ARMCX4: variants seen among roughly 807,000 people sequenced by gnomAD.
ARMCX4 encodes the protein armadillo repeat containing X-linked 4, also known as armadillo repeat-containing X-linked protein 4.
ARMCX4 carries 3 observed loss-of-function variants against 34.7 expected under a neutral mutation model. The observed-to-expected ratio is 0.09, with a 90% confidence interval of 0.04 to 0.22. The LOEUF is 0.22. Ranked by LOEUF, ARMCX4 falls within the 10% of genes least tolerant of loss-of-function variation. The pLI is 1.00. For missense variants in ARMCX4, 1,448 were observed against 1,720.8 expected, an observed-to-expected ratio of 0.84 and a Z score of 2.81; for synonymous variants, 513 against 632.8, an observed-to-expected ratio of 0.81 and a Z score of 2.84.
intron 4 of ARMCX4, among the ~76,000 whole-genome samples, chrX:101,469,324 A>G (rs144772435): frequency 6.2e-5 from 7 of 112,441 alleles, no homozygotes; most frequent in African/African-American, 2.3e-4. Flanking sequence ...TAAATAAACC[A>G]TACTATAGCC....
chrX:101,517,101 A>G (rs1252980667), intron 11 of ARMCX4: 2 of 111,536 alleles, frequency 1.8e-5, no homozygotes, highest in Non-Finnish European at 3.8e-5. Flanking sequence ...CACTTTTAAC[A>G]CAAGTTAGAA....
At chrX:101,452,870 A>T (rs1380187914), downstream of ARMCX4, among the ~76,000 whole-genome samples, 3 of 106,966 alleles carry the variant, frequency 2.8e-5, no homozygotes, top group African/African-American at 3.4e-5. Context: ...TGTTTGTTTT[A>T]TTATTATTAT....
At chrX:101,446,281 A>G (rs1236219952), downstream of ARMCX4, 1 of 111,365 alleles carries the variant, frequency 9.0e-6, no homozygotes, top group African/African-American at 3.3e-5. Context: ...TAATGGTCTC[A>G]TAAGCAAGTG....
intron 11 of ARMCX4, among the ~76,000 whole-genome samples, chrX:101,522,852 G>T (rs1022524388): frequency 8.9e-6 from 1 of 112,025 alleles, no homozygotes; most frequent in Non-Finnish European, 1.9e-5. Flanking sequence ...TATACATATA[G>T]CTTTATAAAG....
At chrX:101,533,680 T>C (rs910367451), downstream of ARMCX4, among the ~76,000 whole-genome samples, 2 of 112,054 alleles carry the variant, frequency 1.8e-5, no homozygotes, top group Non-Finnish European at 3.8e-5. Context: ...GAAGTAAGAA[T>C]AGGTGGATAT....
chrX:101,425,951 G>A (rs1243026707), intron 2 of ARMCX4, among the ~76,000 whole-genome samples: 1 of 110,703 alleles, frequency 9.0e-6, no homozygotes, highest in Non-Finnish European at 1.9e-5. Context: ...CTTCTGAGTA[G>A]CTGGGATTAG....
intron 2 of ARMCX4, among the ~76,000 whole-genome samples, chrX:101,426,048 C>T (rs1486335974): frequency 9.0e-6 from 1 of 110,506 alleles, no homozygotes; most frequent in Non-Finnish European, 1.9e-5. Flanking sequence ...GTCTCGAATT[C>T]CAGGGCTCAA....
intron 2 of ARMCX4, among the ~76,000 whole-genome samples, chrX:101,432,740 GTA>G (rs200386848): frequency 0.05 from 3,379 of 67,370 alleles, 57 homozygotes; most frequent in Non-Finnish European, 0.076. Flanking sequence ...ACATATATAC[GTA>G]TATATATGTG....
At chrX:101,527,389 A>G (rs1935002422) in intron 11 of ARMCX4, among the ~76,000 whole-genome samples, 3 of 112,129 alleles carry the variant, frequency 2.7e-5, no homozygotes. Context: ...GGAAAGATCT[A>G]AAATCGACAC....
upstream of ARMCX4, among the ~76,000 whole-genome samples, chrX:101,483,364 G>T (rs1434793224): frequency 9.0e-6 from 1 of 111,638 alleles, no homozygotes; most frequent in African/African-American, 3.3e-5. Context: ...TTGCCAAATT[G>T]CCCTATATAA....
At chrX:101,438,573 A>G (rs1930989409) in intron 2 of ARMCX4, among the ~76,000 whole-genome samples, 1 of 110,406 alleles carries the variant, frequency 9.1e-6, no homozygotes, top group African/African-American at 3.3e-5. Context: ...CCCCCCCCAA[A>G]AAAAGTCTCC....
intron 2 of ARMCX4, among the ~76,000 whole-genome samples, chrX:101,443,380 G>A (rs1603128491): frequency 9.0e-6 from 1 of 111,487 alleles, no homozygotes; most frequent in Non-Finnish European, 1.9e-5. Flanking sequence ...GCAGAGGGCG[G>A]CCCTCATCAG....
intron 11 of ARMCX4, among the ~76,000 whole-genome samples, chrX:101,525,567 C>T (rs190810333): frequency 9.0e-6 from 1 of 111,412 alleles, no homozygotes; most frequent in African/African-American, 3.3e-5. Context: ...AAGCTAAAAA[C>T]CTTGAAAAAA....
At chrX:101,462,386 A>G (rs1556001345) in intron 4 of ARMCX4, among the ~76,000 whole-genome samples, 1 of 111,228 alleles carries the variant, frequency 9.0e-6, no homozygotes, top group Non-Finnish European at 1.9e-5. Flanking sequence ...TCACGCCTGT[A>G]ATTCCAGTAC....
chrX:101,442,854 C>T (rs971887297), intron 2 of ARMCX4, among the ~76,000 whole-genome samples: 14 of 111,328 alleles, frequency 1.3e-4, no homozygotes, highest in African/African-American at 3.9e-4. Flanking sequence ...CCCAATTGGC[C>T]GGGTGTGGTG....
chrX:101,488,528 C>G lies in ARMCX4; in HGVS notation c.-62C>G, dbSNP rs1556007519. 1 of 1,153,228 alleles carries G rather than the reference C, an allele frequency of 8.7e-7. No homozygotes were observed. Among genetic ancestry groups the G allele is most frequent in the Non-Finnish European group, 1.1e-6 (1 of 872,156 alleles). ...GGCCTACACCCACAACTACCACTCT[C>G]TTTACCCCAGCCCGAGTGCGCTCTA... On this transcript the variant is annotated 5_prime_UTR_variant, in exon 6 of 6. Transcript: ENST00000423738.
At chrX:101,441,968 G>C (rs1263882084) in intron 2 of ARMCX4, among the ~76,000 whole-genome samples, 2 of 111,917 alleles carry the variant, frequency 1.8e-5, no homozygotes, top group African/African-American at 6.5e-5. Flanking sequence ...CAAGTGCTCA[G>C]GGTGGTTCTG....
At chrX:101,446,775 GA>G (rs1555998133), downstream of ARMCX4, among the ~76,000 whole-genome samples, 1 of 110,298 alleles carries the variant, frequency 9.1e-6, no homozygotes, top group African/African-American at 3.3e-5. Context: ...CCAAGATGGT[GA>G]AACCCCATCT....
intron 2 of ARMCX4, among the ~76,000 whole-genome samples, chrX:101,433,285 CAT>C (rs1158886697): frequency 5.8e-5 from 6 of 103,454 alleles, no homozygotes; most frequent in East Asian, 3.1e-4. Context: ...TGTACGTACA[CAT>C]ATACATATAT....
Sources: gnomAD v4.1 joint callset for allele counts (sites outside exome capture counted in the v4.1 genomes callset) on GRCh38, gnomAD v4.1.1 for gene constraint, MANE v1.5 for transcripts, NCBI Gene and HGNC (gene_info 2026-07-23, HGNC 2026-07-21) for gene names.